Variants in TCERG1 observed in about 807,000 individuals in gnomAD.
The protein encoded by TCERG1 is TATA box binding protein (TBP)-associated factor, RNA polymerase II, S, 150kD.
TCERG1 carries 37 observed loss-of-function variants against 144.7 expected under a neutral mutation model. That is an observed-to-expected ratio of 0.26 (90% CI 0.20 to 0.34). The LOEUF (loss-of-function observed/expected upper bound fraction) is 0.34. Among genes scored for constraint, TCERG1 ranks in the 10% least tolerant of loss-of-function variants. The pLI is 1.00. For synonymous variants in TCERG1, 492 were observed against 458.2 expected (o/e 1.07, Z -0.94); for missense variants, 1,027 against 1,380.7 (o/e 0.74, Z 4.06).
Position 146,482,700 on chromosome 5 carries a change from G to A in TCERG1, c.2046G>A (p.Gln682=). 1.2e-6 allele frequency: 2 copies of A among 1,612,638 alleles called. No homozygotes were observed. The highest frequency in any genetic ancestry group is 1.7e-6 in the Non-Finnish European group (2 of 1,179,102). Residue 682 remains glutamine (Q), a synonymous_variant, in exon 14 of 23, where the codon CAG becomes CAA. Coordinates refer to ENST00000679501, the MANE Select transcript of TCERG1 (RefSeq NM_001382548.1). The part of the protein sequence containing the change: ...AIVPLEARMK[Q]FKDMLLERGV... ...TCCCTCTGGAGGCTCGAATGAAGCA[G>A]TTCAAGGACATGCTGCTAGAGAGAG...
intron 9 of TCERG1, among the ~76,000 whole-genome samples, chr5:146,475,232 G>A (rs748091994): frequency 1.1e-4 from 17 of 152,180 alleles, no homozygotes; most frequent in Non-Finnish European, 1.8e-4. Flanking sequence ...CTGTCTAATA[G>A]GATCCTCCAT....
intron 15 of TCERG1, among the ~76,000 whole-genome samples, chr5:146,491,097 T>C (rs752730153): frequency 3.3e-5 from 5 of 152,092 alleles, no homozygotes; most frequent in Non-Finnish European, 7.4e-5. Flanking sequence ...TTTCCTTAGA[T>C]GTCTTGTAGA....
intron 9 of TCERG1, among the ~76,000 whole-genome samples, chr5:146,474,500 G>A (rs1764645030): frequency 1.3e-5 from 2 of 152,214 alleles, no homozygotes; most frequent in Admixed American, 1.3e-4. Context: ...AGCAGCAGCA[G>A]GGCTTCCATT....
intron 5 of TCERG1, among the ~76,000 whole-genome samples, chr5:146,466,501 G>A (rs960821552): frequency 6.6e-6 from 1 of 152,084 alleles, no homozygotes; most frequent in Middle Eastern, 3.2e-3. Flanking sequence ...TTAACTGTCT[G>A]TGACATTGGA....
chr5:146,459,978 C>G (rs530283322), intron 4 of TCERG1, among the ~76,000 whole-genome samples: 1 of 152,146 alleles, frequency 6.6e-6, no homozygotes, highest in East Asian at 1.9e-4. Flanking sequence ...GAGACAGGCA[C>G]TGGGGGCCTG....
At position 146,510,650 on chromosome 5, in the gene TCERG1, T is replaced by G; in HGVS notation, c.*8T>G. ...AGACGATCAACAAAATAATTCTAAA[T>G]ACTCTTCCATAGGGGCATCTATTCA... On this transcript the variant is annotated 3_prime_UTR_variant, in exon 23 of 23. Coordinates refer to ENST00000679501, the MANE Select transcript of TCERG1 (RefSeq NM_001382548.1). The G allele has an allele frequency of 6.2e-7, 1 of 1,610,614 alleles. No homozygotes were observed. Among genetic ancestry groups the G allele is most frequent in the Non-Finnish European group, 8.5e-7 (1 of 1,178,310 alleles).
At chr5:146,460,469 C>T (rs947648374) in intron 4 of TCERG1, among the ~76,000 whole-genome samples, 9 of 151,076 alleles carry the variant, frequency 6.0e-5, no homozygotes, top group African/African-American at 2.2e-4. Context: ...TCTCAAGATA[C>T]ACAGCTGTCC....
chr5:146,473,187 T>C (rs537026110), intron 9 of TCERG1, among the ~76,000 whole-genome samples: 93 of 152,316 alleles, frequency 6.1e-4, no homozygotes, highest in African/African-American at 2.1e-3. Context: ...ATAAGAACCT[T>C]ATTCCTGATA....
chr5:146,450,874 C>A (rs527852125), intron 1 of TCERG1, among the ~76,000 whole-genome samples: 2 of 152,250 alleles, frequency 1.3e-5, no homozygotes, highest in African/African-American at 4.8e-5. Context: ...TACTGTGTAC[C>A]AGCTACCACC....
chr5:146,481,097 T>A (rs1337008829), intron 12 of TCERG1, 53 bp from the exon 13 acceptor site: 1 of 924,768 alleles, frequency 1.1e-6, no homozygotes, highest in Non-Finnish European at 1.3e-6. Context: ...AGGTTGTTTT[T>A]AATTGTTTGT....
intron 2 of TCERG1, among the ~76,000 whole-genome samples, chr5:146,456,637 A>G (rs1000951251): frequency 3.9e-5 from 6 of 152,180 alleles, no homozygotes; most frequent in Non-Finnish European, 7.3e-5. Context: ...ACTTCACACT[A>G]TTAGCATAGT....
Position 146,458,467 on chromosome 5 carries a change from C to T in TCERG1, c.439-417C>T, listed in dbSNP as rs532650477. Among the ~76,000 whole-genome samples the T allele has an allele frequency of 9.0e-4, 136 of 150,706 alleles. 1 individual carries two copies. Among genetic ancestry groups the T allele is most frequent in the African/African-American group, 3.2e-3 (130 of 40,888 alleles). On this transcript the variant is annotated intron_variant, in intron 3 of 22. Coordinates refer to ENST00000679501, the MANE Select transcript of TCERG1 (RefSeq NM_001382548.1). ...TGCTGGGATTACAGGTGTGAGCCAC[C>T]GCGCCCAGCTATTTTTTATTTTTGA...
Position 146,459,104 on chromosome 5 carries a change from A to C in TCERG1, c.659A>C (p.Gln220Pro), listed in dbSNP as rs1763107349. ...CAGGCCCAGGCCCAGGCCCAGGCCC[A>C]GGCCCAAGCCCAAGCCCAGGCCCAG... is the stretch of plus-strand genomic sequence containing the variant. ...QAQAQAQAQA[Q>P]AQAQAQAQAQ... Residue 220 changes from glutamine to proline, a missense_variant, in exon 4 of 23, where the codon CAG (glutamine) becomes CCG (proline). Gln to Pro is a moderately conservative substitution (Grantham distance 76). This residue lies in a region of TCERG1 where 187 missense variants were observed against 169.1 expected (regional missense o/e 1.11). Transcript: ENST00000679501. 1 of 1,595,850 alleles carries C rather than the reference A, an allele frequency of 6.3e-7. No homozygotes were observed. Among genetic ancestry groups the C allele is most frequent in the African/African-American group, 1.3e-5 (1 of 74,318 alleles).
At chr5:146,485,644 A>G (rs1245610591) in intron 15 of TCERG1, among the ~76,000 whole-genome samples, 1 of 152,224 alleles carries the variant, frequency 6.6e-6, no homozygotes, top group East Asian at 1.9e-4. Flanking sequence ...TCTGTTTTCA[A>G]TAAAATCTCT....
At chr5:146,458,519 C>T (rs1344773495) in intron 3 of TCERG1, among the ~76,000 whole-genome samples, 1 of 151,950 alleles carries the variant, frequency 6.6e-6, no homozygotes, top group Non-Finnish European at 1.5e-5. Flanking sequence ...GTCACCCAGG[C>T]TGGAGTGCAG....
intron 15 of TCERG1, among the ~76,000 whole-genome samples, chr5:146,489,163 G>T (rs1228378995): frequency 6.6e-6 from 1 of 152,134 alleles, no homozygotes; most frequent in Non-Finnish European, 1.5e-5. Flanking sequence ...GTTAACAATA[G>T]TAAGTAGTTT....
intron 13 of TCERG1, 142 bp from the exon 14 acceptor site, chr5:146,482,450 T>G: frequency 1.6e-6 from 1 of 643,166 alleles, no homozygotes; most frequent in Non-Finnish European, 2.5e-6. Flanking sequence ...AGAGTTCATT[T>G]GAAACCCTCA....
intron 10 of TCERG1, among the ~76,000 whole-genome samples, chr5:146,479,314 C>T (rs1160691245): frequency 1.3e-5 from 2 of 151,626 alleles, no homozygotes; most frequent in Admixed American, 1.3e-4. Context: ...GAAATAAATC[C>T]TAGTGTGTAT....
intron 15 of TCERG1, among the ~76,000 whole-genome samples, chr5:146,486,801 G>C (rs547409281): frequency 6.6e-6 from 1 of 152,182 alleles, no homozygotes; most frequent in Admixed American, 6.5e-5. Flanking sequence ...CAGGGTGGGC[G>C]TGGTGGCTCA....
Sources: allele counts gnomAD v4.1 joint callset (sites outside exome capture counted in the v4.1 genomes callset), GRCh38; gene constraint gnomAD v4.1.1; regional missense constraint gnomAD v4.1.1; transcripts MANE v1.5; gene names NCBI Gene and HGNC (gene_info 2026-07-23, HGNC 2026-07-21).